The following ZNF384 variants were observed in gnomAD, a reference collection of about 807,000 sequenced individuals.
ZNF384 encodes CAG repeat protein 1.
Under a neutral mutation model 65.0 loss-of-function variants are expected in ZNF384, and 20 were observed. The ratio of observed to expected loss-of-function variants is 0.31; its 90% CI spans 0.22 to 0.45. The LOEUF (loss-of-function observed/expected upper bound fraction) is 0.45, where lower values mean the gene tolerates loss of function less well. Ranked by LOEUF, ZNF384 falls within the 20% of genes least tolerant of loss-of-function variation. The pLI, the probability that ZNF384 is intolerant of heterozygous loss-of-function variation, is 1.00. For missense variants in ZNF384, 549 were observed against 769.4 expected, an observed-to-expected ratio of 0.71 and a Z score of 3.39; for synonymous variants, 310 against 303.9, an observed-to-expected ratio of 1.02 and a Z score of -0.21.
chr12:6,679,609 CTGGTCT>C, intron 2 of ZNF384, 84 bp from the exon 3 acceptor site: 13 of 1,015,226 alleles, frequency 1.3e-5, no homozygotes, highest in Non-Finnish European at 1.7e-5. Context: ...TGAAGAGTTC[CTGGTCT>C]CCTCTGGCAC....
intron 3 of ZNF384, 95 bp downstream of exon 3, chr12:6,679,360 G>C (rs1592397721): frequency 1.5e-6 from 2 of 1,313,850 alleles, no homozygotes; most frequent in South Asian, 1.2e-5. Context: ...AGGGGTGGGG[G>C]ACCCAGTAAA....
Position 6,668,940 on chromosome 12 carries a change from C to T in ZNF384, c.1425+91G>A, listed in dbSNP as rs1950503427. 47 of 1,380,736 alleles carry T rather than the reference C, an allele frequency of 3.4e-5. 1 individual carries two copies. The South Asian group carries it at 6.6e-4, about 19-fold the overall frequency. 85.5% of individuals were successfully genotyped at this position (1,380,736 alleles called of 1,614,324 possible). On this transcript the variant is annotated intron_variant, in intron 11 of 11. Transcript: ENST00000683879. ...GTTGGAGCTAGGGAGGCAGGGTATTCACTGCAACAGATCTCTACCCAGAAA... is the reference window on the plus strand; with the variant it reads ...GTTGGAGCTAGGGAGGCAGGGTATTTACTGCAACAGATCTCTACCCAGAAA...
Position 6,673,604 on chromosome 12 carries a change from GT to G in ZNF384, c.780-165del, listed in dbSNP as rs1477844256. 6.6e-6 allele frequency among the ~76,000 whole-genome samples: 1 copy of G among 152,084 alleles called. No homozygotes were observed. The highest frequency in any genetic ancestry group is 1.5e-5 in the Non-Finnish European group (1 of 68,010). On this transcript the variant is annotated intron_variant, in intron 7 of 11. Transcript: ENST00000683879. The surrounding 1 kb of genome is among the most constrained non-coding windows in gnomAD (Gnocchi z 4.7). ...CTTTATGGCCTAAGCTTCTAACATG[GT>G]GCCCAGCACATTATAAATATTCAAT...
rs944840941 is a variant in ZNF384 at position 6,687,280 on chromosome 12, C to A, written c.-6+887G>T. 2.6e-5 allele frequency among the ~76,000 whole-genome samples: 4 copies of A among 152,276 alleles called. No individual in the cohort carries two copies. The East Asian group carries it at 7.7e-4, about 29-fold the overall frequency. On this transcript the variant is annotated intron_variant, in intron 2 of 11. Coordinates refer to ENST00000683879, the MANE Select transcript of ZNF384 (RefSeq NM_001385745.1). The stretch of plus-strand genomic sequence containing the variant: ...ACCACCACACAGCTGGCAACCTGGG[C>A]CAACAGCTTCTAGCCTGGGCACCAC...
Position 6,678,757 on chromosome 12 carries a change from C to T in ZNF384, c.305-47G>A, listed in dbSNP as rs1166155102. On this transcript the variant is annotated intron_variant, in intron 4 of 11. Coordinates refer to ENST00000683879, the MANE Select transcript of ZNF384 (RefSeq NM_001385745.1). This position sits in a 1 kb window ranked among gnomAD's most constrained non-coding sequence, Gnocchi z 4.9. ...ATGTCACCTCCTCAAAGGCAGGGAC[C>T]GCATCTTCTACTTCTTTGTATCCCC... is the stretch of plus-strand genomic sequence containing the variant. The T allele has an allele frequency of 5.6e-6, 9 of 1,601,196 alleles. No homozygotes were observed. The highest frequency in any genetic ancestry group is 1.7e-5 in the Admixed American group (1 of 59,774).
intron 2 of ZNF384, among the ~76,000 whole-genome samples, chr12:6,680,698 A>T (rs1253376637): frequency 6.6e-6 from 1 of 152,104 alleles, no homozygotes; most frequent in African/African-American, 2.4e-5. Context: ...ACCAACTACT[A>T]TCTGAAGACC....
intron 2 of ZNF384, among the ~76,000 whole-genome samples, chr12:6,684,033 G>A (rs1957062817): frequency 1.3e-5 from 2 of 151,988 alleles, no homozygotes; most frequent in African/African-American, 4.8e-5. Context: ...AAAAACTGGT[G>A]GACAATATCA....
At position 6,678,527 on chromosome 12, in the gene ZNF384, C is replaced by T; in HGVS notation, c.353-67G>A. On this transcript the variant is annotated intron_variant, in intron 5 of 11. Coordinates refer to ENST00000683879, the MANE Select transcript of ZNF384 (RefSeq NM_001385745.1). The surrounding 1 kb of genome is among the most constrained non-coding windows in gnomAD (Gnocchi z 4.9). ...TCCTGATCCTAATCCTATTTCATTT[C>T]CCCCAGATCATTGTCTAATTAACCC... The T allele has an allele frequency of 6.5e-7, 1 of 1,532,896 alleles. No individual in the cohort carries two copies. Among genetic ancestry groups the T allele is most frequent in the Non-Finnish European group, 8.9e-7 (1 of 1,124,116 alleles). 95.0% of individuals were successfully genotyped at this position (1,532,896 alleles called of 1,614,324 possible).
chr12:6,677,321 C>T, intron 6 of ZNF384, 62 bp from the exon 7 acceptor site: 1 of 1,259,224 alleles, frequency 7.9e-7, no homozygotes, highest in Non-Finnish European at 1.0e-6. Flanking sequence ...GACCCAGACT[C>T]CCAGCCATGC....
At position 6,678,096 on chromosome 12, in the gene ZNF384, G is replaced by A. The variant is rs756929235; in HGVS notation, c.686+31C>T. Reference sequence around the variant, plus strand: ...GAGAATCACCAAGCCAGGGATCCTCGCCCCATCCTGCCCCTGGCTCTGAGT... The same window carrying A: ...GAGAATCACCAAGCCAGGGATCCTCACCCCATCCTGCCCCTGGCTCTGAGT... On this transcript the variant is annotated intron_variant, in intron 6 of 11. Coordinates refer to ENST00000683879, the MANE Select transcript of ZNF384 (RefSeq NM_001385745.1). This position sits in a 1 kb window ranked among gnomAD's most constrained non-coding sequence, Gnocchi z 4.9. 11 of 1,578,230 alleles carry A rather than the reference G, an allele frequency of 7.0e-6. No individual in the cohort carries two copies. Among genetic ancestry groups the A allele is most frequent in the South Asian group, 5.7e-5 (5 of 87,444 alleles).
chr12:6,672,717 G>A lies in ZNF384; in HGVS notation c.1005-185C>T, dbSNP rs755580262. On this transcript the variant is annotated intron_variant, in intron 8 of 11. Coordinates refer to ENST00000683879, the MANE Select transcript of ZNF384 (RefSeq NM_001385745.1). This position sits in a 1 kb window ranked among gnomAD's most constrained non-coding sequence, Gnocchi z 4.4. ...ACCCAGATCTAGGTTGTTGCTGATC[G>A]TAAGTCGGTGGCTAGAATGGCAGTG... Among the ~76,000 whole-genome samples, 3 of 152,166 alleles carry A rather than the reference G, an allele frequency of 2.0e-5. No individual in the cohort carries two copies. Among genetic ancestry groups the A allele is most frequent in the Non-Finnish European group, 4.4e-5 (3 of 68,026 alleles).
At position 6,672,787 on chromosome 12, in the gene ZNF384, T is replaced by G. The variant is rs898092506; in HGVS notation, c.1005-255A>C. ...CCCATGGCTCCTGGTAACCTTAAAG[T>G]AGTCAATCTCATCAACCCTCCGCTT... On this transcript the variant is annotated intron_variant, in intron 8 of 11. Coordinates refer to ENST00000683879, the MANE Select transcript of ZNF384 (RefSeq NM_001385745.1). This position sits in a 1 kb window ranked among gnomAD's most constrained non-coding sequence, Gnocchi z 4.4. Among the ~76,000 whole-genome samples the G allele has an allele frequency of 2.6e-5, 4 of 152,050 alleles. No homozygotes were observed. The highest frequency in any genetic ancestry group is 1.9e-4 in the East Asian group (1 of 5,184).
chr12:6,686,662 G>A (rs1958018242), intron 2 of ZNF384, among the ~76,000 whole-genome samples: 1 of 152,220 alleles, frequency 6.6e-6, no homozygotes, highest in African/African-American at 2.4e-5. Context: ...GAGGATGGAA[G>A]AGGATGAGGC....
At position 6,669,106 on chromosome 12, in the gene ZNF384, C is replaced by T; in HGVS notation, c.1350G>A (p.Glu450=). The change falls in exon 11 of 12, where the codon GAG becomes GAA. Residue 450 remains glutamate, a synonymous_variant. Coordinates refer to ENST00000683879, the MANE Select transcript of ZNF384 (RefSeq NM_001385745.1). Reference sequence around the variant, plus strand: ...TCACTGTGTGCGTAGACAGGTGCACCTCTAGTGAGGCTGCATCCGTGTACG... The same window carrying T: ...TCACTGTGTGCGTAGACAGGTGCACTTCTAGTGAGGCTGCATCCGTGTACG... ...HRAYTDAASL[E]VHLSTHTVKH... The T allele has an allele frequency of 6.2e-7, 1 of 1,614,084 alleles. No homozygotes were observed. The highest frequency in any genetic ancestry group is 1.3e-5 in the African/African-American group (1 of 75,042).
chr12:6,682,386 C>A (rs1389364255), intron 2 of ZNF384, among the ~76,000 whole-genome samples: 1 of 150,732 alleles, frequency 6.6e-6, no homozygotes, highest in Non-Finnish European at 1.5e-5. Flanking sequence ...ATGCAAGTTG[C>A]GGTGGCTCAT....
chr12:6,674,260 T>C (rs776951782), intron 7 of ZNF384, among the ~76,000 whole-genome samples: 1 of 152,244 alleles, frequency 6.6e-6, no homozygotes. Context: ...TAGCACCTGA[T>C]CGTACTTTCA....
intron 10 of ZNF384, among the ~76,000 whole-genome samples, chr12:6,670,200 G>A (rs1267654588): frequency 4.6e-5 from 7 of 152,072 alleles, no homozygotes; most frequent in African/African-American, 1.2e-4. Flanking sequence ...AGGCTGAGGC[G>A]GGAGGATGGC....
intron 2 of ZNF384, among the ~76,000 whole-genome samples, chr12:6,682,956 G>C (rs1226697034): frequency 1.3e-5 from 2 of 152,194 alleles, no homozygotes; most frequent in African/African-American, 4.8e-5. Context: ...TGACAGACAA[G>C]AGATAAGAGT....
At chr12:6,681,849 GACT>G (rs1289965467) in intron 2 of ZNF384, among the ~76,000 whole-genome samples, 1 of 152,124 alleles carries the variant, frequency 6.6e-6, no homozygotes, top group Admixed American at 6.6e-5. Flanking sequence ...CCAAATCTGT[GACT>G]ACAACAGCTT....
Sources: gnomAD v4.1 joint callset for allele counts (sites outside exome capture counted in the v4.1 genomes callset) on GRCh38, gnomAD v4.1.1 for gene constraint, Gnocchi (gnomAD v3.1) non-coding constraint, MANE v1.5 for transcripts, NCBI Gene and HGNC (gene_info 2026-07-23, HGNC 2026-07-21) for gene names.